SLC8A3: variants seen among roughly 807,000 people sequenced by gnomAD.
SLC8A3 encodes solute carrier family 8 member A3.
A neutral mutation model predicts 65.4 loss-of-function variants in SLC8A3; 37 were observed. That is an observed-to-expected ratio of 0.57 (90% CI 0.44 to 0.74). The LOEUF (loss-of-function observed/expected upper bound fraction) is 0.74, where lower values mean the gene tolerates loss of function less well. Ranked by LOEUF, SLC8A3 falls within the 30% of genes least tolerant of loss-of-function variation. The pLI, the probability that SLC8A3 is intolerant of heterozygous loss-of-function variation, is 0.00. For synonymous variants in SLC8A3, 461 were observed against 444.5 expected (o/e 1.04, Z -0.47); for missense variants, 1,112 against 1,172.1 (o/e 0.95, Z 0.75).
At chr14:70,161,154 T>A (rs1182752849) in intron 2 of SLC8A3, among the ~76,000 whole-genome samples, 1 of 146,480 alleles carries the variant, frequency 6.8e-6, no homozygotes, top group Non-Finnish European at 1.5e-5. Context: ...TATATATGTA[T>A]AATATATATA....
chr14:70,076,753 G>A (rs1566761093), intron 2 of SLC8A3, among the ~76,000 whole-genome samples: 2 of 152,136 alleles, frequency 1.3e-5, no homozygotes, highest in Admixed American at 6.5e-5. Flanking sequence ...CTAGAATCAC[G>A]GCTCTGCTGT....
intron 2 of SLC8A3, among the ~76,000 whole-genome samples, chr14:70,103,335 C>T (rs1192123739): frequency 6.6e-6 from 1 of 151,874 alleles, no homozygotes; most frequent in African/African-American, 2.4e-5. Flanking sequence ...AAGACTGAAA[C>T]AGGTAAGAAT....
At chr14:70,161,349 C>T (rs1392418231) in intron 2 of SLC8A3, among the ~76,000 whole-genome samples, 3 of 141,280 alleles carry the variant, frequency 2.1e-5, no homozygotes, top group Non-Finnish European at 4.6e-5. Context: ...TTCCTTTGGG[C>T]CTGGAAAGTG....
intron 1 of SLC8A3, among the ~76,000 whole-genome samples, chr14:70,172,482 G>C (rs1041525074): frequency 2.0e-5 from 3 of 152,198 alleles, no homozygotes; most frequent in Non-Finnish European, 4.4e-5. Context: ...TGTGGACTTA[G>C]AAGCAAGGTG....
intron 1 of SLC8A3, chr14:70,187,304 G>A (rs1353732843): frequency 6.4e-6 from 1 of 155,292 alleles, no homozygotes; most frequent in East Asian, 1.7e-4. Flanking sequence ...GAAAGGAGGA[G>A]AGAAGAGAAG....
At chr14:70,150,873 G>T (rs17107850) in intron 2 of SLC8A3, among the ~76,000 whole-genome samples, 5,150 of 152,232 alleles carry the variant, frequency 0.034, 304 homozygotes, top group African/African-American at 0.12. Context: ...ATGGCCTAGA[G>T]TTCAGCCATC....
rs914051005 is a variant in SLC8A3 at position 70,175,957 on chromosome 14, A to G, written c.-62-7473T>C. Among the ~76,000 whole-genome samples the G allele has an allele frequency of 2.6e-5, 4 of 151,806 alleles. No homozygotes were observed. In the South Asian group the frequency reaches 8.3e-4, roughly 32 times the overall value. On this transcript the variant is annotated intron_variant, in intron 1 of 6. Coordinates refer to ENST00000356921, the MANE Select transcript of SLC8A3 (RefSeq NM_182932.3). ...ACCATGTTAGCCAGGTTGGTCTCGA[A>G]CTCCTGACCTCAAGTGATCCGCCCA...
intron 2 of SLC8A3, among the ~76,000 whole-genome samples, chr14:70,155,069 G>A (rs1308886785): frequency 1.3e-4 from 19 of 151,764 alleles, no homozygotes; most frequent in East Asian, 7.7e-4. Flanking sequence ...ACAGGTGTGC[G>A]CCACCATGCC....
At chr14:70,065,900 G>A (rs1221973220) in intron 2 of SLC8A3, among the ~76,000 whole-genome samples, 1 of 152,200 alleles carries the variant, frequency 6.6e-6, no homozygotes, top group South Asian at 2.1e-4. Context: ...TCCTAAATGG[G>A]CTATTAGAGG....
chr14:70,046,373 A>C lies in SLC8A3; in HGVS notation c.2390-50T>G. ...GAACTGGTAGGAGGCTAAGGTGTGC[A>C]GGGCTTGTCTTCCAGTATGCCCAAA... is the stretch of plus-strand genomic sequence containing the variant. On this transcript the variant is annotated intron_variant, in intron 6 of 6. Transcript: ENST00000356921. This position sits in a 1 kb window ranked among gnomAD's most constrained non-coding sequence, Gnocchi z 4.2. The C allele has an allele frequency of 6.5e-7, 1 of 1,531,526 alleles. No individual in the cohort carries two copies. Among genetic ancestry groups the C allele is most frequent in the Non-Finnish European group, 8.8e-7 (1 of 1,137,948 alleles). 94.9% of individuals were successfully genotyped at this position (1,531,526 alleles called of 1,614,324 possible).
chr14:70,123,195 A>C (rs915250813), intron 2 of SLC8A3, among the ~76,000 whole-genome samples: 12 of 151,508 alleles, frequency 7.9e-5, no homozygotes, highest in Non-Finnish European at 2.9e-5. Flanking sequence ...CAGTGAGCTG[A>C]GATCACGCCA....
intron 2 of SLC8A3, among the ~76,000 whole-genome samples, chr14:70,134,722 T>C (rs1305386133): frequency 6.6e-6 from 1 of 152,192 alleles, no homozygotes; most frequent in Non-Finnish European, 1.5e-5. Flanking sequence ...CCTAAGGCCA[T>C]CTTCACACAG....
In SLC8A3 at chr14:70,073,449, T is replaced by G. The variant is rs556756561; in HGVS notation, c.1785-12510A>C. On this transcript the variant is annotated intron_variant, in intron 2 of 6. Transcript: ENST00000356921. ...GAGACAGGAATATTCACAACTCCAA[T>G]TCTCTCTTTTTTCTAAGTCAAGAGA... is the stretch of plus-strand genomic sequence containing the variant. 2.0e-5 allele frequency among the ~76,000 whole-genome samples: 3 copies of G among 152,320 alleles called. 1 individual carries two copies. The East Asian group carries it at 5.8e-4, about 29-fold the overall frequency.
At chr14:70,170,800 G>A (rs1362204980) in intron 1 of SLC8A3, among the ~76,000 whole-genome samples, 1 of 152,178 alleles carries the variant, frequency 6.6e-6, no homozygotes, top group Non-Finnish European at 1.5e-5. Flanking sequence ...TCCCTAGAGT[G>A]GCAGCCAAGT....
intron 2 of SLC8A3, among the ~76,000 whole-genome samples, chr14:70,149,110 C>T (rs1228401556): frequency 6.6e-6 from 1 of 152,158 alleles, no homozygotes; most frequent in Non-Finnish European, 1.5e-5. Flanking sequence ...ATGTCCAACA[C>T]CTGCTGGAAT....
intron 3 of SLC8A3, among the ~76,000 whole-genome samples, chr14:70,058,039 CT>C (rs1164999048): frequency 6.6e-6 from 1 of 152,186 alleles, no homozygotes; most frequent in Non-Finnish European, 1.5e-5. Flanking sequence ...TTCAGTCTCC[CT>C]TTTTTCCTTC....
At chr14:70,109,011 T>G (rs71423387) in intron 2 of SLC8A3, among the ~76,000 whole-genome samples, 1 of 152,202 alleles carries the variant, frequency 6.6e-6, no homozygotes, top group Non-Finnish European at 1.5e-5. Flanking sequence ...AATCTAAAGT[T>G]TATCCATTGA....
At chr14:70,128,443 C>T (rs920012393) in intron 2 of SLC8A3, among the ~76,000 whole-genome samples, 1 of 152,184 alleles carries the variant, frequency 6.6e-6, no homozygotes, top group African/African-American at 2.4e-5. Context: ...ACTACTCATT[C>T]CTTCCTCAAC....
intron 2 of SLC8A3, among the ~76,000 whole-genome samples, chr14:70,166,106 C>T (rs1897145286): frequency 1.3e-5 from 2 of 152,326 alleles, no homozygotes; most frequent in South Asian, 4.1e-4. Context: ...TTAAAGAAGA[C>T]GTGCCTGGAA....
Sources: allele counts gnomAD v4.1 joint callset (sites outside exome capture counted in the v4.1 genomes callset), GRCh38; gene constraint gnomAD v4.1.1; non-coding constraint Gnocchi (gnomAD v3.1); transcripts MANE v1.5; gene names NCBI Gene and HGNC (gene_info 2026-07-23, HGNC 2026-07-21).